The following GBX1 variants were observed in gnomAD, a reference collection of about 807,000 sequenced individuals.
GBX1 encodes the protein gastrulation brain homeobox 1.
Under a neutral mutation model 22.9 loss-of-function variants are expected in GBX1, and 9 were observed. That is an observed-to-expected ratio of 0.39 (90% CI 0.24 to 0.69). The LOEUF (loss-of-function observed/expected upper bound fraction) is 0.69. GBX1 is among the 30% of genes least tolerant of loss of function. GBX1 has a pLI of 0.43. For missense variants in GBX1, 494 were observed against 509.2 expected (o/e 0.97, Z 0.29); for synonymous variants, 203 against 227.3 (o/e 0.89, Z 0.96).
At position 151,167,500 on chromosome 7, in the gene GBX1, CGCCCCCGCCGTT is replaced by C. The variant is rs1462816499; in HGVS notation, c.37_48del (p.Asn13_Gly16del). ...AAGGCAGTGCCCGGGCCCCCGCCGC[CGCCCCCGCCGTT>C]GCCCCCAGGGGCGCTACCGCCTCCG... is the stretch of plus-strand genomic sequence containing the variant. On this transcript the variant is annotated inframe_deletion, in exon 1 of 2. Coordinates refer to ENST00000297537, the MANE Select transcript of GBX1 (RefSeq NM_001098834.3). The surrounding 1 kb of genome is among the most constrained non-coding windows in gnomAD (Gnocchi z 5.9). 31 of 1,482,558 alleles carry C rather than the reference CGCCCCCGCCGTT, an allele frequency of 2.1e-5. No homozygotes were observed. The highest frequency in any genetic ancestry group is 1.2e-4 in the Admixed American group (5 of 41,526). The allele number at this position is 1,482,558 out of a possible 1,614,324, so 91.8% of individuals were successfully genotyped here.
intron 1 of GBX1, among the ~76,000 whole-genome samples, chr7:151,152,676 A>T (rs1371587251): frequency 6.6e-6 from 1 of 152,206 alleles, no homozygotes; most frequent in African/African-American, 2.4e-5. Context: ...ATGATGATTG[A>T]GATGAGGCTC....
In GBX1 at chr7:151,165,403, T is replaced by C. The variant is rs551634037; in HGVS notation, c.538+1608A>G. ...CCCTCCATCCTCTCTCTTCAGCTCA[T>C]CTCTTTCTATATGTGTCTGGTTACA... On this transcript the variant is annotated intron_variant, in intron 1 of 1. Transcript: ENST00000297537. Among the ~76,000 whole-genome samples the C allele has an allele frequency of 1.1e-4, 16 of 152,280 alleles. No individual in the cohort carries two copies. In the East Asian group the frequency reaches 1.3e-3, roughly 13 times the overall value.
chr7:151,148,476 G>T lies in GBX1; in HGVS notation c.*113C>A. On this transcript the variant is annotated 3_prime_UTR_variant, in exon 2 of 2. Transcript: ENST00000297537. The surrounding 1 kb of genome is among the most constrained non-coding windows in gnomAD (Gnocchi z 5.1). ...CCAGGGCTAGGTTAATTGCCAACTA[G>T]CCCCTCTCAAGGCAGAATCACAGTT... 9.9e-7 allele frequency: 1 copy of T among 1,011,820 alleles called. No homozygotes were observed. The highest frequency in any genetic ancestry group is 1.4e-6 in the Non-Finnish European group (1 of 694,948). The allele number at this position is 1,011,820 out of a possible 1,614,324, so 62.7% of individuals were successfully genotyped here.
At position 151,167,501 on chromosome 7, in the gene GBX1, G is replaced by GC; in HGVS notation, c.47dup (p.Gly17ArgfsTer135). 1 of 1,477,922 alleles carries GC rather than the reference G, an allele frequency of 6.8e-7. No homozygotes were observed. Among genetic ancestry groups the GC allele is most frequent in the Non-Finnish European group, 8.9e-7 (1 of 1,123,634 alleles). The allele number at this position is 1,477,922 out of a possible 1,614,324, so 91.6% of individuals were successfully genotyped here. Reference sequence around the variant, plus strand: ...AGGCAGTGCCCGGGCCCCCGCCGCCGCCCCCGCCGTTGCCCCCAGGGGCGC... The same window carrying GC: ...AGGCAGTGCCCGGGCCCCCGCCGCCGCCCCCCGCCGTTGCCCCCAGGGGCGC... On this transcript the variant is annotated frameshift_variant, in exon 1 of 2. Coordinates refer to ENST00000297537, the MANE Select transcript of GBX1 (RefSeq NM_001098834.3). LOFTEE classifies it high-confidence loss of function. This position sits in a 1 kb window ranked among gnomAD's most constrained non-coding sequence, Gnocchi z 5.9.
chr7:151,151,594 C>T (rs1016255590), intron 1 of GBX1, among the ~76,000 whole-genome samples: 1 of 152,206 alleles, frequency 6.6e-6, no homozygotes, highest in African/African-American at 2.4e-5. Flanking sequence ...CAGTTAATGG[C>T]AACTGCATCC....
intron 1 of GBX1, among the ~76,000 whole-genome samples, chr7:151,156,159 A>T (rs1228118945): frequency 6.6e-6 from 1 of 151,968 alleles, no homozygotes; most frequent in Non-Finnish European, 1.5e-5. Context: ...CAAGGCGGGC[A>T]GATCACTTGA....
chr7:151,148,709 C>T lies in GBX1; in HGVS notation c.972G>A (p.Val324=), dbSNP rs376045645. 6.2e-7 allele frequency: 1 copy of T among 1,614,180 alleles called. No individual in the cohort carries two copies. The part of the protein sequence containing the change: ...AKWKRIKAGN[V]SSRSGEPVRN... ...TTACGGGCTCCCCAGAACGGCTGCTCACATTGCCAGCTTTGATGCGCTTCC... is the reference window on the plus strand; with the variant it reads ...TTACGGGCTCCCCAGAACGGCTGCTTACATTGCCAGCTTTGATGCGCTTCC... The change falls in exon 2 of 2, where the codon GTG becomes GTA. Residue 324 remains valine, a synonymous_variant. Coordinates refer to ENST00000297537, the MANE Select transcript of GBX1 (RefSeq NM_001098834.3). The surrounding 1 kb of genome is among the most constrained non-coding windows in gnomAD (Gnocchi z 5.1).
intron 1 of GBX1, among the ~76,000 whole-genome samples, chr7:151,162,489 C>G (rs1163973838): frequency 1.3e-5 from 2 of 152,148 alleles, no homozygotes; most frequent in Admixed American, 6.5e-5. Context: ...AATCTGTATT[C>G]AGAAATTAGC....
At chr7:151,154,535 T>C (rs1191662068) in intron 1 of GBX1, among the ~76,000 whole-genome samples, 3 of 152,244 alleles carry the variant, frequency 2.0e-5, no homozygotes, top group African/African-American at 4.8e-5. Context: ...TTGAGTCTAA[T>C]CTGTGAAAAA....
At chr7:151,164,759 A>G (rs1801229694) in intron 1 of GBX1, among the ~76,000 whole-genome samples, 1 of 147,612 alleles carries the variant, frequency 6.8e-6, no homozygotes, top group Non-Finnish European at 1.5e-5. Context: ...TACTCCAAGA[A>G]CAACACAAAT....
At chr7:151,152,673 T>A (rs1226834372) in intron 1 of GBX1, among the ~76,000 whole-genome samples, 2 of 152,150 alleles carry the variant, frequency 1.3e-5, no homozygotes, top group Non-Finnish European at 2.9e-5. Context: ...TTGATGATGA[T>A]TGAGATGAGG....
rs115914474 is a variant in GBX1 at position 151,155,257 on chromosome 7, G to C, written c.539-6115C>G. Among the ~76,000 whole-genome samples the C allele has an allele frequency of 4.1e-3, 622 of 152,252 alleles. 7 individuals carry two copies. The highest frequency in any genetic ancestry group is 0.014 in the African/African-American group (583 of 41,544). Reference sequence around the variant, plus strand: ...TCACAGGCCAACTACTCATCTCCCTGAATCCAGTTCCAGTTTGGGTGGGGT... The same window carrying C: ...TCACAGGCCAACTACTCATCTCCCTCAATCCAGTTCCAGTTTGGGTGGGGT... On this transcript the variant is annotated intron_variant, in intron 1 of 1. Coordinates refer to ENST00000297537, the MANE Select transcript of GBX1 (RefSeq NM_001098834.3).
At chr7:151,152,893 C>T (rs917834277) in intron 1 of GBX1, among the ~76,000 whole-genome samples, 2 of 152,124 alleles carry the variant, frequency 1.3e-5, no homozygotes, top group Non-Finnish European at 2.9e-5. Context: ...CTCTCTGAGC[C>T]TTTATAATCA....
chr7:151,155,280 G>A (rs1047456113), intron 1 of GBX1, among the ~76,000 whole-genome samples: 3 of 152,006 alleles, frequency 2.0e-5, no homozygotes, highest in African/African-American at 7.3e-5. Flanking sequence ...GTTTGGGTGG[G>A]GTCAAAAGGT....
In GBX1 at chr7:151,148,612, T is replaced by C. The variant is rs1801040676; in HGVS notation, c.1069A>G (p.Met357Val). The C allele has an allele frequency of 6.2e-7, 1 of 1,613,396 alleles. No homozygotes were observed. Among genetic ancestry groups the C allele is most frequent in the South Asian group, 1.1e-5 (1 of 91,030 alleles). The stretch of plus-strand genomic sequence containing the variant: ...ATTCAGGGCCGGGCCCCCTGCTCCA[T>C]TTGTTGGTGCTGGCTCCGCACAGCA... Reference protein sequence around the residue: ...RFAVRSQHQQMEQGARP With the variant: ...RFAVRSQHQQVEQGARP The change falls in exon 2 of 2, where the codon ATG becomes GTG. Residue 357 changes from methionine (M) to valine (V), a missense_variant. By Grantham distance (21) the Met-to-Val change is conservative. Around this residue, in one of 3 missense-constraint regions of GBX1, gnomAD observed 124 missense variants for 152.0 expected, o/e 0.82. Transcript: ENST00000297537. The surrounding 1 kb of genome is among the most constrained non-coding windows in gnomAD (Gnocchi z 5.1).
chr7:151,151,529 C>T (rs1801079451), intron 1 of GBX1, among the ~76,000 whole-genome samples: 1 of 152,164 alleles, frequency 6.6e-6, no homozygotes, highest in African/African-American at 2.4e-5. Flanking sequence ...GAACTCCAAT[C>T]AGATCATTCC....
intron 1 of GBX1, among the ~76,000 whole-genome samples, chr7:151,162,078 T>C (rs1241983781): frequency 6.6e-6 from 1 of 152,206 alleles, no homozygotes; most frequent in Non-Finnish European, 1.5e-5. Flanking sequence ...GAGAATTGAA[T>C]CCACGTGTCA....
intron 1 of GBX1, 37 bp downstream of exon 1, chr7:151,166,974 C>G (rs759125273): frequency 4.5e-5 from 71 of 1,591,190 alleles, no homozygotes; most frequent in Non-Finnish European, 5.1e-5. Flanking sequence ...CCAGGTGAAC[C>G]GGCCTCCCGC....
intron 1 of GBX1, among the ~76,000 whole-genome samples, chr7:151,160,883 A>G (rs1009999519): frequency 1.3e-5 from 2 of 152,202 alleles, no homozygotes; most frequent in Admixed American, 1.3e-4. Context: ...CCTTGCATAG[A>G]GAGCTCTGTC....
Sources: gnomAD v4.1 joint callset for allele counts (sites outside exome capture counted in the v4.1 genomes callset) on GRCh38, gnomAD v4.1.1 for gene constraint, gnomAD v4.1.1 regional missense constraint, Gnocchi (gnomAD v3.1) non-coding constraint, MANE v1.5 for transcripts, NCBI Gene and HGNC (gene_info 2026-07-23, HGNC 2026-07-21) for gene names.